The following NCKAP5 variants were observed in gnomAD, a reference collection of about 807,000 sequenced individuals.
NCKAP5 encodes NCK associated protein 5.
Under a neutral mutation model 167.0 loss-of-function variants are expected in NCKAP5, and 92 were observed. That is an observed-to-expected ratio of 0.55 (90% CI 0.47 to 0.66). NCKAP5 has a LOEUF of 0.66. Among genes scored for constraint, NCKAP5 ranks in the 30% least tolerant of loss-of-function variants. The pLI is 0.00. For synonymous variants in NCKAP5, 891 were observed against 877.4 expected, an observed-to-expected ratio of 1.02 and a Z score of -0.27; for missense variants, 2,378 against 2,315.0, an observed-to-expected ratio of 1.03 and a Z score of -0.56.
rs189825482 is a variant in NCKAP5, at chr2:133,024,246, T to C, written c.342-30007A>G. Among the ~76,000 whole-genome samples the C allele has an allele frequency of 3.9e-5, 6 of 152,344 alleles. No individual in the cohort carries two copies. The East Asian group carries it at 1.2e-3, about 29-fold the overall frequency. On this transcript the variant is annotated intron_variant, in intron 6 of 19. Transcript: ENST00000409261. ...GAAGTTAATGTCATCACCTACTGTA[T>C]ATATTTGAAATAAATAAGTTGCATG...
At chr2:132,824,758 C>A (rs565447341) in intron 11 of NCKAP5, among the ~76,000 whole-genome samples, 383 of 152,246 alleles carry the variant, frequency 2.5e-3, no homozygotes, top group Non-Finnish European at 4.1e-3. Flanking sequence ...AGATGTGAAA[C>A]CCCCTCAGAG....
chr2:133,303,029 G>C lies in NCKAP5; in HGVS notation c.143+8C>G. The C allele has an allele frequency of 6.3e-7, 1 of 1,591,426 alleles. No homozygotes were observed. The highest frequency in any genetic ancestry group is 2.3e-5 in the East Asian group (1 of 44,378). ...GAGCAAGCAAATAAGAACATGAATT[G>C]AACTCACCTCCAGAGACTCCTGTGT... On this transcript the variant is annotated splice_region_variant and intron_variant, in intron 4 of 19. Transcript: ENST00000409261.
intron 3 of NCKAP5, among the ~76,000 whole-genome samples, chr2:133,413,133 G>A (rs558619572): frequency 2.0e-5 from 3 of 152,348 alleles, no homozygotes; most frequent in African/African-American, 7.2e-5. Flanking sequence ...GGCACAGTGG[G>A]AAGAGACAGT....
At chr2:133,613,612 C>A in the NCKAP5 span, among the ~76,000 whole-genome samples, 3 of 152,212 alleles carry the variant, frequency 2.0e-5, no homozygotes, top group African/African-American at 7.2e-5. Context: ...TTGACATCAA[C>A]CATAGCTCTC....
chr2:133,261,194 T>A (rs1268271321), intron 4 of NCKAP5, among the ~76,000 whole-genome samples: 2 of 151,862 alleles, frequency 1.3e-5, no homozygotes, highest in Non-Finnish European at 2.9e-5. Flanking sequence ...GTGTAGGGGA[T>A]CAAGAGATTG....
chr2:133,269,328 G>A (rs907617432), intron 4 of NCKAP5, among the ~76,000 whole-genome samples: 1 of 152,142 alleles, frequency 6.6e-6, no homozygotes, highest in African/African-American at 2.4e-5. Flanking sequence ...TCTATTAGAA[G>A]GTAATCAGTG....
intron 4 of NCKAP5, among the ~76,000 whole-genome samples, chr2:133,289,954 G>T (rs12476326): frequency 0.22 from 33,644 of 151,938 alleles, 4,586 homozygotes; most frequent in African/African-American, 0.38. Context: ...GAGAACTCAC[G>T]CACTATCACG....
chr2:133,346,157 T>C (rs79651682), intron 3 of NCKAP5, among the ~76,000 whole-genome samples: 2 of 152,004 alleles, frequency 1.3e-5, no homozygotes, highest in Non-Finnish European at 2.9e-5. Flanking sequence ...GGAGAAGGAA[T>C]AAAATGACCC....
intron 6 of NCKAP5, among the ~76,000 whole-genome samples, chr2:133,034,666 T>C (rs1469450866): frequency 6.6e-6 from 1 of 152,098 alleles, no homozygotes; most frequent in African/African-American, 2.4e-5. Flanking sequence ...TTTCCTTGTT[T>C]GTTTATGCCA....
chr2:133,356,731 C>G (rs149475274), intron 3 of NCKAP5, among the ~76,000 whole-genome samples: 1 of 152,290 alleles, frequency 6.6e-6, no homozygotes, highest in African/African-American at 2.4e-5. Context: ...GGAGTTAAAG[C>G]TAAATACTTA....
chr2:133,584,286 A>T, the NCKAP5 span, among the ~76,000 whole-genome samples: 1 of 152,168 alleles, frequency 6.6e-6, no homozygotes, highest in Non-Finnish European at 1.5e-5. Context: ...TGTTGGGGAA[A>T]TGTAGTCAAG....
the NCKAP5 span, among the ~76,000 whole-genome samples, chr2:133,596,733 G>T: frequency 6.6e-6 from 1 of 152,032 alleles, no homozygotes; most frequent in African/African-American, 2.4e-5. Context: ...CAAGAAGGTG[G>T]AGGTGAGGAA....
chr2:133,249,399 C>A (rs1289868874), intron 4 of NCKAP5, among the ~76,000 whole-genome samples: 1 of 152,180 alleles, frequency 6.6e-6, no homozygotes, highest in Non-Finnish European at 1.5e-5. Flanking sequence ...AGGTTAAATT[C>A]TCCCTGAGAA....
At chr2:132,741,878 T>G (rs1679229380) in intron 16 of NCKAP5, among the ~76,000 whole-genome samples, 1 of 152,088 alleles carries the variant, frequency 6.6e-6, no homozygotes, top group African/African-American at 2.4e-5. Context: ...ACAATTTAGC[T>G]ATCTGTTGGT....
intron 3 of NCKAP5, among the ~76,000 whole-genome samples, chr2:133,346,101 A>G (rs1574759394): frequency 6.6e-6 from 1 of 152,120 alleles, no homozygotes. Flanking sequence ...CATCACTTCC[A>G]CCACTCCACC....
intron 1 of NCKAP5, among the ~76,000 whole-genome samples, chr2:133,561,098 A>G (rs1688123243): frequency 6.6e-6 from 1 of 152,272 alleles, no homozygotes; most frequent in African/African-American, 2.4e-5. Flanking sequence ...TTTTCCTTAT[A>G]GAAATAAATA....
At chr2:132,683,977 G>A (rs1168214632) in intron 19 of NCKAP5, among the ~76,000 whole-genome samples, 2 of 152,164 alleles carry the variant, frequency 1.3e-5, no homozygotes, top group Admixed American at 6.5e-5. Flanking sequence ...TCTAGTACCA[G>A]GTACCACACA....
chr2:133,061,032 A>C (rs2079980324), intron 6 of NCKAP5, among the ~76,000 whole-genome samples: 1 of 151,978 alleles, frequency 6.6e-6, no homozygotes, highest in African/African-American at 2.4e-5. Context: ...GAAAAAGCAA[A>C]AGCAGTTTCC....
At chr2:133,312,200 G>A (rs1490019459) in intron 3 of NCKAP5, among the ~76,000 whole-genome samples, 1 of 152,264 alleles carries the variant, frequency 6.6e-6, no homozygotes, top group East Asian at 1.9e-4. Context: ...AATTAACAGT[G>A]ACAGAATTTA....
Sources: allele counts gnomAD v4.1 joint callset (sites outside exome capture counted in the v4.1 genomes callset), GRCh38; gene constraint gnomAD v4.1.1; transcripts MANE v1.5; gene names NCBI Gene and HGNC (gene_info 2026-07-23, HGNC 2026-07-21).